AGBL4: variants seen among roughly 807,000 people sequenced by gnomAD.
AGBL4 encodes the protein AGBL carboxypeptidase 4, also known as cytosolic carboxypeptidase 6.
AGBL4 carries 58 observed loss-of-function variants against 66.4 expected under a neutral mutation model. The observed-to-expected ratio is 0.87, with a 90% CI of 0.71 to 1.09. The LOEUF (loss-of-function observed/expected upper bound fraction) is 1.09, where lower values mean the gene tolerates loss of function less well. Among genes scored for constraint, AGBL4 ranks in the 50% least tolerant of loss-of-function variants. The pLI, the probability that AGBL4 is intolerant of heterozygous loss-of-function variation, is 0.00. For synonymous variants in AGBL4, 234 were observed against 222.9 expected, an observed-to-expected ratio of 1.05 and a Z score of -0.44; for missense variants, 579 against 631.0, an observed-to-expected ratio of 0.92 and a Z score of 0.88.
At chr1:49,364,619 A>T (rs1341992186) in intron 3 of AGBL4, among the ~76,000 whole-genome samples, 1 of 152,124 alleles carries the variant, frequency 6.6e-6, no homozygotes, top group African/African-American at 2.4e-5. Flanking sequence ...CTGGGCCTAC[A>T]GACGTGCACC....
intron 6 of AGBL4, among the ~76,000 whole-genome samples, chr1:48,858,446 A>T (rs893713032): frequency 6.6e-6 from 1 of 152,386 alleles, no homozygotes; most frequent in Admixed American, 6.5e-5. Flanking sequence ...ATAACAGATG[A>T]ATGAAAAAAT....
At chr1:49,542,956 A>G (rs1452110143) in intron 3 of AGBL4, among the ~76,000 whole-genome samples, 2 of 151,070 alleles carry the variant, frequency 1.3e-5, no homozygotes, top group Non-Finnish European at 2.9e-5. Context: ...GGATTTTCCA[A>G]TCCTGAATGA....
chr1:49,755,504 C>G (rs1452843192), intron 2 of AGBL4, among the ~76,000 whole-genome samples: 3 of 152,166 alleles, frequency 2.0e-5, no homozygotes, highest in Admixed American at 6.5e-5. Flanking sequence ...TTACAAAATA[C>G]TAAACTAACT....
rs190573915 is a variant in AGBL4, at chr1:49,079,495, T to C, written c.378-33695A>G. On this transcript the variant is annotated intron_variant, in intron 4 of 13. Transcript: ENST00000371839. Reference sequence around the variant, plus strand: ...TGAAACCATCAGTTCTCGTGAGAACTCACTCACTATCATGAGAACAGCATG... The same window carrying C: ...TGAAACCATCAGTTCTCGTGAGAACCCACTCACTATCATGAGAACAGCATG... Among the ~76,000 whole-genome samples, 216 of 152,244 alleles carry C rather than the reference T, an allele frequency of 1.4e-3. 1 individual carries two copies. Among genetic ancestry groups the C allele is most frequent in the Admixed American group, 4.9e-3 (75 of 15,280 alleles).
chr1:49,292,234 G>A (rs1490229067), intron 3 of AGBL4, among the ~76,000 whole-genome samples: 1 of 152,216 alleles, frequency 6.6e-6, no homozygotes, highest in Admixed American at 6.5e-5. Context: ...AGCATAGGAA[G>A]GAAGCCATGG....
At chr1:48,664,250 G>A (rs745566043) in intron 6 of AGBL4, among the ~76,000 whole-genome samples, 2 of 152,116 alleles carry the variant, frequency 1.3e-5, no homozygotes, top group African/African-American at 2.4e-5. Flanking sequence ...ATCTGTACAG[G>A]AATCCTCTTG....
Position 48,651,286 on chromosome 1 carries a change from G to C in AGBL4, c.839+2051C>G, listed in dbSNP as rs555665952. On this transcript the variant is annotated intron_variant, in intron 8 of 13. Transcript: ENST00000371839. ...GAGTCCTCAAATCACAAAATCTCTG[G>C]GGCTTGAAGACATGTAGAAAGCATG... Among the ~76,000 whole-genome samples, 14 of 152,142 alleles carry C rather than the reference G, an allele frequency of 9.2e-5. No individual in the cohort carries two copies. The South Asian group carries it at 1.3e-3, about 14-fold the overall frequency.
At chr1:49,171,849 G>C (rs912763716) in intron 4 of AGBL4, among the ~76,000 whole-genome samples, 1 of 152,146 alleles carries the variant, frequency 6.6e-6, no homozygotes, top group Non-Finnish European at 1.5e-5. Flanking sequence ...AGAGAAATTT[G>C]TTGATATACC....
chr1:48,956,520 C>T (rs1657458705), intron 5 of AGBL4, among the ~76,000 whole-genome samples: 1 of 152,074 alleles, frequency 6.6e-6, no homozygotes, highest in African/African-American at 2.4e-5. Context: ...AACATAACTG[C>T]AATTGCTTAC....
chr1:49,467,010 T>G (rs985077067), intron 3 of AGBL4, among the ~76,000 whole-genome samples: 6 of 151,724 alleles, frequency 4.0e-5, no homozygotes, highest in Non-Finnish European at 8.8e-5. Context: ...CATTAAATCT[T>G]AAGAAAATTA....
At chr1:49,120,878 A>G (rs967750945) in intron 4 of AGBL4, among the ~76,000 whole-genome samples, 2 of 152,054 alleles carry the variant, frequency 1.3e-5, no homozygotes, top group African/African-American at 4.8e-5. Flanking sequence ...TCATAGTCCC[A>G]TATTTCTTGG....
intron 1 of AGBL4, among the ~76,000 whole-genome samples, chr1:49,948,560 T>TATAAAA (rs1553152146): frequency 9.9e-6 from 1 of 100,820 alleles, no homozygotes; most frequent in African/African-American, 3.5e-5. Context: ...TATAAATATA[T>TATAAAA]AAAAATATAT....
intron 4 of AGBL4, among the ~76,000 whole-genome samples, chr1:49,069,279 T>C (rs893475520): frequency 1.3e-5 from 2 of 152,250 alleles, no homozygotes; most frequent in Non-Finnish European, 2.9e-5. Flanking sequence ...CCATTGCTTT[T>C]GGTGTTTTAA....
chr1:49,213,514 T>C (rs181390258), intron 4 of AGBL4, among the ~76,000 whole-genome samples: 1 of 152,126 alleles, frequency 6.6e-6, no homozygotes, highest in Admixed American at 6.6e-5. Context: ...CCCTTGCTCC[T>C]ATTTCCGCCA....
chr1:48,953,447 T>C (rs1222563320), intron 5 of AGBL4, among the ~76,000 whole-genome samples: 3 of 152,218 alleles, frequency 2.0e-5, no homozygotes, highest in Non-Finnish European at 4.4e-5. Context: ...TTGTGTGGTG[T>C]GTCTGATTGA....
intron 1 of AGBL4, among the ~76,000 whole-genome samples, chr1:49,931,795 C>G (rs1431555240): frequency 1.3e-5 from 2 of 152,064 alleles, no homozygotes; most frequent in East Asian, 1.9e-4. Flanking sequence ...TAGTGAGGAC[C>G]TAGAAGAGCC....
At chr1:49,304,989 A>G (rs1308923247) in intron 3 of AGBL4, among the ~76,000 whole-genome samples, 2 of 152,180 alleles carry the variant, frequency 1.3e-5, no homozygotes, top group Non-Finnish European at 2.9e-5. Flanking sequence ...TACGTACTTT[A>G]TAGATATTAG....
intron 1 of AGBL4, among the ~76,000 whole-genome samples, chr1:49,860,438 C>T (rs974592247): frequency 4.6e-5 from 7 of 152,232 alleles, no homozygotes; most frequent in African/African-American, 1.7e-4. Flanking sequence ...TGGCTCACGC[C>T]TGTAGACCCA....
Position 48,689,219 on chromosome 1 carries a change from A to AAAAAG in AGBL4, c.635-25983_635-25979dup, listed in dbSNP as rs1174074579. ...ACCCGGTCTCAAAAAAAAAAAAAAA[A>AAAAAG]AAAAGAAAAGAAAAGAAAAGAAACA... On this transcript the variant is annotated intron_variant, in intron 6 of 13. Transcript: ENST00000371839. 1.9e-3 allele frequency among the ~76,000 whole-genome samples: 265 copies of AAAAAG among 141,384 alleles called. 1 individual carries two copies. Among genetic ancestry groups the AAAAAG allele is most frequent in the African/African-American group, 6.1e-3 (196 of 32,188 alleles). The allele number at this position is 141,384 out of a possible 152,430, so 92.8% of individuals were successfully genotyped here.
Sources: allele counts gnomAD v4.1 joint callset (sites outside exome capture counted in the v4.1 genomes callset), GRCh38; gene constraint gnomAD v4.1.1; transcripts MANE v1.5; gene names NCBI Gene and HGNC (gene_info 2026-07-23, HGNC 2026-07-21).